Variants in C17orf67 observed in about 807,000 individuals in gnomAD.
The protein encoded by C17orf67 is uncharacterized protein C17orf67.
C17orf67 carries 12 observed loss-of-function variants against 11.2 expected under a neutral mutation model. That is an observed-to-expected ratio of 1.07 (90% CI 0.68 to 1.73). The LOEUF (loss-of-function observed/expected upper bound fraction) is 1.73. C17orf67 is among the 40% of genes most tolerant of loss of function. C17orf67 has a pLI of 0.00. For synonymous variants in C17orf67, 59 were observed against 46.9 expected, an observed-to-expected ratio of 1.26 and a Z score of -1.05; for missense variants, 115 against 113.5, an observed-to-expected ratio of 1.01 and a Z score of -0.06.
rs117876651 is a variant in C17orf67, at chr17:56,796,253, C to A, written c.157-1073G>T. The stretch of plus-strand genomic sequence containing the variant: ...AAAAACTTGTATACAGATGTTCACA[C>A]CAACATCATTTGTCACAGCCAAAAA... On this transcript the variant is annotated intron_variant, in intron 6 of 7. Transcript: ENST00000397861. 5.3e-3 allele frequency among the ~76,000 whole-genome samples: 807 copies of A among 152,292 alleles called. 3 individuals are homozygous for A. Among genetic ancestry groups the A allele is most frequent in the Middle Eastern group, 0.01 (3 of 294 alleles).
chr17:56,815,894 C>T lies in C17orf67; in HGVS notation c.-84G>A, dbSNP rs762865551. The T allele has an allele frequency of 1.4e-5, 23 of 1,601,802 alleles. No individual in the cohort carries two copies. The highest frequency in any genetic ancestry group is 5.5e-5 in the South Asian group (5 of 90,714). ...TTGAAGGAAGCCATGCCAGGCCCTG[C>T]GCTTGTTTATGCTTTGACTAACGGG... On this transcript the variant is annotated 5_prime_UTR_variant, in exon 5 of 8. Transcript: ENST00000397861.
At chr17:56,827,341 C>A (rs1280186866) in intron 2 of C17orf67, among the ~76,000 whole-genome samples, 1 of 152,152 alleles carries the variant, frequency 6.6e-6, no homozygotes. Flanking sequence ...TGAGTACAGG[C>A]AGAATGGTGG....
intron 6 of C17orf67, among the ~76,000 whole-genome samples, chr17:56,813,705 C>CAGGT (rs1476441382): frequency 2.4e-4 from 36 of 152,284 alleles, no homozygotes; most frequent in African/African-American, 8.7e-4. Flanking sequence ...CGGCACCTAG[C>CAGGT]AGGTACCAGG....
At chr17:56,811,876 A>G (rs923262204) in intron 6 of C17orf67, among the ~76,000 whole-genome samples, 1 of 152,204 alleles carries the variant, frequency 6.6e-6, no homozygotes, top group African/African-American at 2.4e-5. Flanking sequence ...ACTAGACCAC[A>G]GGAGCTGGTA....
chr17:56,795,314 A>C (rs928153615), intron 6 of C17orf67, 134 bp from the exon 7 acceptor site: 13 of 739,014 alleles, frequency 1.8e-5, no homozygotes, highest in Middle Eastern at 5.0e-4. Context: ...CAACGGCCAC[A>C]CCCATGCCTC....
intron 4 of C17orf67, among the ~76,000 whole-genome samples, chr17:56,818,722 T>A (rs1485399295): frequency 6.6e-6 from 1 of 152,210 alleles, no homozygotes. Flanking sequence ...TTTTAACACA[T>A]AATCAATATA....
intron 2 of C17orf67, among the ~76,000 whole-genome samples, chr17:56,830,109 T>C (rs147229169): frequency 3.9e-5 from 6 of 152,086 alleles, no homozygotes; most frequent in Non-Finnish European, 8.8e-5. Flanking sequence ...TTTGGGAGGC[T>C]GAGGCAGGCG....
At chr17:56,817,907 G>A (rs751926639) in intron 4 of C17orf67, among the ~76,000 whole-genome samples, 2 of 150,074 alleles carry the variant, frequency 1.3e-5, no homozygotes, top group African/African-American at 2.5e-5. Flanking sequence ...TGGAGTGCAC[G>A]AACTTGGCTC....
chr17:56,806,494 A>G (rs914625341), intron 6 of C17orf67, among the ~76,000 whole-genome samples: 1 of 152,152 alleles, frequency 6.6e-6, no homozygotes, highest in Non-Finnish European at 1.5e-5. Flanking sequence ...TTACATGCAT[A>G]TCCATGTACC....
rs1270558974 is a variant in C17orf67 at position 56,824,867 on chromosome 17, C to T, written c.-315-14G>A. 3 of 152,124 alleles carry T rather than the reference C, an allele frequency of 2.0e-5. No homozygotes were observed. The highest frequency in any genetic ancestry group is 2.9e-5 in the Non-Finnish European group (2 of 68,030). 9.4% of individuals were successfully genotyped at this position (152,124 alleles called of 1,614,324 possible). A position where few individuals can be genotyped will look rare whatever the true frequency, so the allele number is the denominator to read the frequency against. On this transcript the variant is annotated splice_polypyrimidine_tract_variant and intron_variant, in intron 3 of 7. Coordinates refer to ENST00000397861, the MANE Select transcript of C17orf67 (RefSeq NM_001085430.4). Reference sequence around the variant, plus strand: ...ACCCTTAGGCATCTATAAAGAAAAGCAAAGAAATGAAGGCCACAAAAGTTA... The same window carrying T: ...ACCCTTAGGCATCTATAAAGAAAAGTAAAGAAATGAAGGCCACAAAAGTTA...
chr17:56,800,173 CTCCTGCCT>C lies in C17orf67; in HGVS notation c.157-5001_157-4994del, dbSNP rs1417633975. Among the ~76,000 whole-genome samples, 5 of 145,074 alleles carry C rather than the reference CTCCTGCCT, an allele frequency of 3.4e-5. No individual in the cohort carries two copies. In the South Asian group the frequency reaches 1.1e-3, roughly 32 times the overall value. ...CTCCGCTTCCCGGGTTCACGCCATT[CTCCTGCCT>C]TAGCCTCCCGAGTAGCTGGAACTAC... On this transcript the variant is annotated intron_variant, in intron 6 of 7. Transcript: ENST00000397861.
rs1382088557 is a variant in C17orf67, at chr17:56,833,824, C to CG, written c.-1209dup. On this transcript the variant is annotated 5_prime_UTR_variant, in exon 1 of 8. It introduces an in-frame stop codon into an upstream open reading frame of the 5' UTR. Coordinates refer to ENST00000397861, the MANE Select transcript of C17orf67 (RefSeq NM_001085430.4). ...GGCGCGGTGCTGCGAGGAGGATCCT[C>CG]GTGGCCTTGCCCCGCCGGCGGCTTT... The CG allele has an allele frequency of 1.3e-5, 2 of 151,692 alleles. No individual in the cohort carries two copies. Among genetic ancestry groups the CG allele is most frequent in the East Asian group, 3.9e-4 (2 of 5,110 alleles). The allele number at this position is 151,692 out of a possible 1,614,324, so 9.4% of individuals were successfully genotyped here.
At chr17:56,813,173 G>A (rs889310103) in intron 6 of C17orf67, among the ~76,000 whole-genome samples, 3 of 152,066 alleles carry the variant, frequency 2.0e-5, no homozygotes, top group Admixed American at 6.5e-5. Context: ...GCCGCTCCAG[G>A]CATCATGCCA....
intron 5 of C17orf67, among the ~76,000 whole-genome samples, chr17:56,815,528 ATTTT>A: frequency 6.6e-6 from 1 of 152,184 alleles, no homozygotes; most frequent in Non-Finnish European, 1.5e-5. Context: ...ATTTATCAGC[ATTTT>A]TGAGAATTAG....
At chr17:56,808,476 C>G (rs1905510559) in intron 6 of C17orf67, among the ~76,000 whole-genome samples, 1 of 152,174 alleles carries the variant, frequency 6.6e-6, no homozygotes, top group Admixed American at 6.5e-5. Context: ...CTCTCTTACC[C>G]AGAGCCATCT....
chr17:56,829,788 T>G (rs1190565172), intron 2 of C17orf67, among the ~76,000 whole-genome samples: 1 of 152,248 alleles, frequency 6.6e-6, no homozygotes, highest in Admixed American at 6.5e-5. Flanking sequence ...AGAAATGCCA[T>G]ACTTTAGAGC....
intron 6 of C17orf67, among the ~76,000 whole-genome samples, chr17:56,814,490 T>C (rs1597994886): frequency 6.6e-6 from 1 of 152,130 alleles, no homozygotes; most frequent in African/African-American, 2.4e-5. Context: ...CAGACCATCA[T>C]TGACCAAGGA....
chr17:56,800,014 G>A (rs1905282148), intron 6 of C17orf67, among the ~76,000 whole-genome samples: 1 of 147,288 alleles, frequency 6.8e-6, no homozygotes, highest in Admixed American at 6.7e-5. Context: ...TAAAGAAGAG[G>A]TTGAAAAATC....
At chr17:56,806,906 T>C (rs1380398106) in intron 6 of C17orf67, among the ~76,000 whole-genome samples, 2 of 152,242 alleles carry the variant, frequency 1.3e-5, no homozygotes, top group Non-Finnish European at 1.5e-5. Context: ...AGTCAGGTTC[T>C]GGATTTGGAG....
Sources: gnomAD v4.1 joint callset for allele counts (sites outside exome capture counted in the v4.1 genomes callset) on GRCh38, gnomAD v4.1.1 for gene constraint, MANE v1.5 for transcripts, NCBI Gene and HGNC (gene_info 2026-07-23, HGNC 2026-07-21) for gene names.